The following DACH1 variants were observed in gnomAD, a reference collection of about 807,000 sequenced individuals.
DACH1 encodes the protein dachshund homolog 1.
A neutral mutation model predicts 54.2 loss-of-function variants in DACH1; 12 were observed. That is an observed-to-expected ratio of 0.22 (90% CI 0.14 to 0.36). The LOEUF (loss-of-function observed/expected upper bound fraction) is 0.36, where lower values mean the gene tolerates loss of function less well. Ranked by LOEUF, DACH1 falls within the 10% of genes least tolerant of loss-of-function variation. The pLI, the probability that DACH1 is intolerant of heterozygous loss-of-function variation, is 1.00. For synonymous variants in DACH1, 386 were observed against 366.2 expected (o/e 1.05, Z -0.62); for missense variants, 805 against 929.8 (o/e 0.87, Z 1.75).
intron 10 of DACH1, among the ~76,000 whole-genome samples, chr13:71,462,704 A>G (rs1294662488): frequency 6.6e-6 from 1 of 152,006 alleles, no homozygotes; most frequent in Non-Finnish European, 1.5e-5. Flanking sequence ...TTTAATCTTC[A>G]TAACAATTTC....
chr13:71,803,300 A>C (rs1242354870), intron 1 of DACH1, among the ~76,000 whole-genome samples: 1 of 152,140 alleles, frequency 6.6e-6, no homozygotes, highest in Non-Finnish European at 1.5e-5. Flanking sequence ...GATTCTTAAC[A>C]AACACCCTCT....
rs1328190309 is a variant in DACH1, at chr13:71,439,821, T to A, written c.*834A>T. Reference sequence around the variant, plus strand: ...AGTATACTACTGCATACATAATACCTTCCTTGTGTGTTTTATGTTTATATA... The same window carrying A: ...AGTATACTACTGCATACATAATACCATCCTTGTGTGTTTTATGTTTATATA... On this transcript the variant is annotated 3_prime_UTR_variant, in exon 11 of 11. Transcript: ENST00000613252. The A allele has an allele frequency of 6.6e-6, 1 of 152,480 alleles. No individual in the cohort carries two copies. The highest frequency in any genetic ancestry group is 6.6e-5 in the Admixed American group (1 of 15,232). The allele number at this position is 152,480 out of a possible 1,614,324, so 9.4% of individuals were successfully genotyped here.
At chr13:71,834,799 C>T (rs572711392) in intron 1 of DACH1, among the ~76,000 whole-genome samples, 5 of 152,118 alleles carry the variant, frequency 3.3e-5, no homozygotes, top group African/African-American at 1.2e-4. Context: ...ATCATGTGCA[C>T]ATTTTTGCAT....
At chr13:71,692,667 C>A (rs766947814) in intron 1 of DACH1, among the ~76,000 whole-genome samples, 27 of 151,390 alleles carry the variant, frequency 1.8e-4, no homozygotes, top group Admixed American at 1.3e-4. Flanking sequence ...GGACTACAGG[C>A]GTGCACCACC....
At chr13:71,645,938 G>A (rs1878233669) in intron 2 of DACH1, among the ~76,000 whole-genome samples, 1 of 152,130 alleles carries the variant, frequency 6.6e-6, no homozygotes, top group South Asian at 2.1e-4. Flanking sequence ...TTCAAGTTTG[G>A]AAACAAACTG....
At chr13:71,571,426 C>T (rs1027808580) in intron 4 of DACH1, among the ~76,000 whole-genome samples, 16 of 152,084 alleles carry the variant, frequency 1.1e-4, no homozygotes, top group Admixed American at 5.9e-4. Context: ...TTTAACAATA[C>T]GGTGATATCT....
intron 6 of DACH1, among the ~76,000 whole-genome samples, chr13:71,501,860 TACA>T (rs1161369297): frequency 6.6e-6 from 1 of 152,134 alleles, no homozygotes; most frequent in Non-Finnish European, 1.5e-5. Flanking sequence ...ATTTAATCCT[TACA>T]ACAATTCTGT....
At chr13:71,723,618 T>C (rs1469077244) in intron 1 of DACH1, among the ~76,000 whole-genome samples, 1 of 152,224 alleles carries the variant, frequency 6.6e-6, no homozygotes, top group Non-Finnish European at 1.5e-5. Context: ...AAAATTTATG[T>C]TCTAATCCCA....
intron 5 of DACH1, among the ~76,000 whole-genome samples, chr13:71,557,441 A>T (rs1249956087): frequency 2.6e-5 from 4 of 152,172 alleles, no homozygotes; most frequent in Non-Finnish European, 5.9e-5. Flanking sequence ...TTTTTAAAAT[A>T]TAAGAATAAT....
intron 6 of DACH1, among the ~76,000 whole-genome samples, chr13:71,496,257 CTATGTATATATATATATATA>C (rs1443562930): frequency 1.1e-4 from 3 of 26,242 alleles, no homozygotes; most frequent in East Asian, 1.1e-3. Context: ...AAAAAAATTG[CTATGTATATATATATATATA>C]TATATATATA....
chr13:71,447,563 G>C (rs1293668606), intron 10 of DACH1, among the ~76,000 whole-genome samples: 1 of 152,124 alleles, frequency 6.6e-6, no homozygotes, highest in Admixed American at 6.5e-5. Context: ...GCCGGGCGCA[G>C]TGGCTCACAC....
chr13:71,454,748 T>C (rs1251029977), intron 10 of DACH1, among the ~76,000 whole-genome samples: 1 of 152,148 alleles, frequency 6.6e-6, no homozygotes, highest in Non-Finnish European at 1.5e-5. Flanking sequence ...AGTCTAGAGA[T>C]GACTGTAGGC....
intron 10 of DACH1, among the ~76,000 whole-genome samples, chr13:71,448,078 G>A (rs900603980): frequency 6.6e-5 from 10 of 152,084 alleles, no homozygotes; most frequent in South Asian, 6.2e-4. Context: ...AATAAATTGC[G>A]TTTTCTGTTA....
At chr13:71,597,802 C>G (rs1026550310) in intron 3 of DACH1, among the ~76,000 whole-genome samples, 8 of 152,188 alleles carry the variant, frequency 5.3e-5, no homozygotes, top group African/African-American at 1.9e-4. Flanking sequence ...CTATTATTAA[C>G]AAGAGGATAA....
At chr13:71,700,212 G>T (rs1422075489) in intron 1 of DACH1, among the ~76,000 whole-genome samples, 1 of 151,988 alleles carries the variant, frequency 6.6e-6, no homozygotes, top group Non-Finnish European at 1.5e-5. Flanking sequence ...AATAAGAAAA[G>T]GCAAAGAAAA....
At chr13:71,539,796 A>G (rs1883018642) in intron 6 of DACH1, among the ~76,000 whole-genome samples, 1 of 152,094 alleles carries the variant, frequency 6.6e-6, no homozygotes, top group Non-Finnish European at 1.5e-5. Context: ...ATGGTTGATC[A>G]ATGTATTTGT....
intron 1 of DACH1, among the ~76,000 whole-genome samples, chr13:71,778,418 C>A (rs987505293): frequency 2.0e-5 from 3 of 151,998 alleles, no homozygotes; most frequent in Non-Finnish European, 2.9e-5. Context: ...TCCCTGATTT[C>A]TGTTTTCAAA....
At chr13:71,553,009 C>T (rs557756678) in intron 6 of DACH1, among the ~76,000 whole-genome samples, 1 of 147,944 alleles carries the variant, frequency 6.8e-6, no homozygotes, top group South Asian at 2.1e-4. Flanking sequence ...TCGTGAAACC[C>T]TGTCTCTACT....
chr13:71,534,310 T>C (rs1476496139), intron 6 of DACH1, among the ~76,000 whole-genome samples: 1 of 151,974 alleles, frequency 6.6e-6, no homozygotes, highest in Non-Finnish European at 1.5e-5. Context: ...CAAAAATCAA[T>C]AGCAACAATA....
Sources: gnomAD v4.1 joint callset for allele counts (sites outside exome capture counted in the v4.1 genomes callset) on GRCh38, gnomAD v4.1.1 for gene constraint, MANE v1.5 for transcripts, NCBI Gene and HGNC (gene_info 2026-07-23, HGNC 2026-07-21) for gene names.